AP5Z1: variants seen among roughly 807,000 people sequenced by gnomAD.
AP5Z1 encodes AP-5 complex subunit zeta-1.
A neutral mutation model predicts 83.0 loss-of-function variants in AP5Z1; 106 were observed. That is an observed-to-expected ratio of 1.28 (90% CI 1.09 to 1.50). The LOEUF is 1.50. Among genes scored for constraint, AP5Z1 ranks in the 40% most tolerant of loss-of-function variants. The pLI is 0.00. For missense variants in AP5Z1, 1,565 were observed against 1,094.2 expected (o/e 1.43, Z -6.07); for synonymous variants, 751 against 514.1 (o/e 1.46, Z -6.23).
At chr7:4,789,744 C>T (rs1449991448) in intron 13 of AP5Z1, 88 bp from the exon 14 acceptor site, 4 of 966,376 alleles carry the variant, frequency 4.1e-6, no homozygotes, top group Non-Finnish European at 6.2e-6. Flanking sequence ...CCCTCACCTG[C>T]CCCCCAGCCC....
chr7:4,786,853 C>A (rs962056282), intron 10 of AP5Z1, among the ~76,000 whole-genome samples: 1 of 152,092 alleles, frequency 6.6e-6, no homozygotes, highest in Non-Finnish European at 1.5e-5. Flanking sequence ...TCACTGCAAC[C>A]CCCGCCTCCT....
chr7:4,793,142 GA>G lies in AP5Z1; in HGVS notation c.*1758del, dbSNP rs1781840131. ...CCGTCCCGCTCATCCAAGGGACAAG[GA>G]GGAGCTCATGGCCACAGGGCCTCGG... On this transcript the variant is annotated 3_prime_UTR_variant, in exon 17 of 17. Transcript: ENST00000649063. The G allele has an allele frequency of 6.6e-6, 1 of 152,372 alleles. No homozygotes were observed. Among genetic ancestry groups the G allele is most frequent in the South Asian group, 2.1e-4 (1 of 4,830 alleles). 9.4% of individuals were successfully genotyped at this position (152,372 alleles called of 1,614,324 possible). A position where few individuals can be genotyped will look rare whatever the true frequency, so the allele number is the denominator to read the frequency against.
chr7:4,790,391 C>T (rs768603254), intron 14 of AP5Z1, 68 bp from the exon 15 acceptor site: 2 of 1,608,996 alleles, frequency 1.2e-6, no homozygotes, highest in South Asian at 1.1e-5. Flanking sequence ...TTCTCCAGGC[C>T]CTTGGCCTGG....
chr7:4,780,518 A>C (rs940769422), intron 1 of AP5Z1, among the ~76,000 whole-genome samples: 1 of 152,080 alleles, frequency 6.6e-6, no homozygotes, highest in East Asian at 1.9e-4. Context: ...TAATCCCAGC[A>C]CTTTGGGAGG....
intron 1 of AP5Z1, among the ~76,000 whole-genome samples, chr7:4,778,858 A>AAAATATAAAATATTATT (rs1183481100): frequency 6.9e-6 from 1 of 144,680 alleles, no homozygotes; most frequent in Non-Finnish European, 1.5e-5. Flanking sequence ...AATGATATAT[A>AAAATATAAAATATTATT]ATATTTTATA....
At chr7:4,782,745 C>A (rs901868962) in intron 3 of AP5Z1, among the ~76,000 whole-genome samples, 1 of 151,822 alleles carries the variant, frequency 6.6e-6, no homozygotes, top group Non-Finnish European at 1.5e-5. Flanking sequence ...GACTCCGGCT[C>A]TTCTTGTTTG....
rs550095480 is a variant in AP5Z1, at chr7:4,783,258, GGGGAGCTGGTCTCTGGCACA to G, written c.367-55_367-36del. The G allele has an allele frequency of 6.3e-4, 945 of 1,505,988 alleles. 12 individuals carry two copies. The African/African-American group carries it at 0.012, about 19-fold the overall frequency. 93.3% of individuals were successfully genotyped at this position (1,505,988 alleles called of 1,614,324 possible). A position where few individuals can be genotyped will look rare whatever the true frequency, so the allele number is the denominator to read the frequency against. ...GAGTGTCACACAGACTTCCGAAATG[GGGGAGCTGGTCTCTGGCACA>G]GGCCAGTACCCCAGCGTTTGCCCTG... On this transcript the variant is annotated intron_variant, in intron 3 of 16. Coordinates refer to ENST00000649063, the MANE Select transcript of AP5Z1 (RefSeq NM_014855.3).
rs750795563 is a variant in AP5Z1 at position 4,785,552 on chromosome 7, G to A, written c.1000G>A (p.Val334Met). The change falls in exon 9 of 17, where the codon GTG (valine) becomes ATG (methionine). Residue 334 changes from valine (V) to methionine (M), a missense_variant. By Grantham distance (21) the Val-to-Met change is conservative. Coordinates refer to ENST00000649063, the MANE Select transcript of AP5Z1 (RefSeq NM_014855.3). The part of the protein sequence containing the change: ...CLVEAVLVLD[V>M]LCRQDPSFLY... ...GGTGGAGGCCGTGCTGGTGCTGGAC[G>A]TGCTGTGCCGGCAGGACCCGTCCTT... 1.3e-5 allele frequency: 21 copies of A among 1,611,978 alleles called. No individual in the cohort carries two copies. Among genetic ancestry groups the A allele is most frequent in the South Asian group, 2.2e-5 (2 of 90,788 alleles).
intron 2 of AP5Z1, 21 bp from the exon 3 acceptor site, chr7:4,781,547 C>T: frequency 6.2e-7 from 1 of 1,600,390 alleles, no homozygotes; most frequent in Non-Finnish European, 8.5e-7. Flanking sequence ...TACCGCCCAC[C>T]ACGGGCATCT....
In AP5Z1 at chr7:4,783,406, C is replaced by T. The variant is rs1364326427; in HGVS notation, c.457C>T (p.Leu153Phe). The part of the protein sequence containing the change: ...RQPEGPSLRH[L>F]LPVMAKVVVL... The stretch of plus-strand genomic sequence containing the variant: ...GCCTGAGGGACCCAGCCTCAGACAC[C>T]TCCTCCCCGTCATGGCCAAGGTCGT... Residue 153 changes from leucine (L) to phenylalanine (F), a missense_variant, in exon 4 of 17, where the codon CTC (leucine) becomes TTC (phenylalanine). Leu to Phe is a conservative substitution (Grantham distance 22, BLOSUM62 0). Transcript: ENST00000649063. The T allele has an allele frequency of 3.1e-6, 5 of 1,613,038 alleles. No individual in the cohort carries two copies. The highest frequency in any genetic ancestry group is 4.2e-6 in the Non-Finnish European group (5 of 1,179,786).
chr7:4,783,035 G>A (rs559370562), intron 3 of AP5Z1, among the ~76,000 whole-genome samples: 1 of 152,348 alleles, frequency 6.6e-6, no homozygotes, highest in East Asian at 1.9e-4. Flanking sequence ...TCTGCGGCCA[G>A]GGCCATGGTG....
In AP5Z1 at chr7:4,791,051, CCA is replaced by C. The variant is rs1389123090; in HGVS notation, c.2154-59_2154-58del. The C allele has an allele frequency of 2.7e-6, 4 of 1,495,704 alleles. No homozygotes were observed. In the Admixed American group the frequency reaches 8.5e-5, roughly 32 times the overall value. The allele number at this position is 1,495,704 out of a possible 1,614,324, so 92.7% of individuals were successfully genotyped here. On this transcript the variant is annotated intron_variant, in intron 16 of 16. Coordinates refer to ENST00000649063, the MANE Select transcript of AP5Z1 (RefSeq NM_014855.3). ...GCTGGGCGCTTCAGGCCTGGCCCCT[CCA>C]CACAGACCCCTGTCCTGGGAGGGGA...
chr7:4,786,364 A>T lies in AP5Z1; in HGVS notation c.1247A>T (p.Asp416Val), dbSNP rs745494659. ...TTTGAATTCATCCAGTTCTGCAGGG[A>T]CAACCTCCACCTGTTCAGCGGGCAC... ...LAFEFIQFCR[D>V]NLHLFSGHLS... Residue 416 changes from aspartate to valine, a missense_variant, in exon 10 of 17, where the codon GAC (aspartate) becomes GTC (valine). Asp to Val is a radical substitution (Grantham distance 152). Transcript: ENST00000649063. The T allele has an allele frequency of 5.0e-6, 8 of 1,613,890 alleles. No homozygotes were observed. The highest frequency in any genetic ancestry group is 6.8e-6 in the Non-Finnish European group (8 of 1,179,840).
At chr7:4,789,985 C>CCA in intron 14 of AP5Z1, 56 bp downstream of exon 14, 1 of 789,968 alleles carries the variant, frequency 1.3e-6, no homozygotes, top group Admixed American at 3.2e-5. Flanking sequence ...CTGGACTCCT[C>CCA]CCCCTCTCCC....
At chr7:4,785,286 G>A (rs373497270) in intron 7 of AP5Z1, 129 bp from the exon 8 acceptor site, 1 of 1,363,064 alleles carries the variant, frequency 7.3e-7, no homozygotes, top group African/African-American at 1.5e-5. Context: ...TCCCACTCAA[G>A]TCCTCCTGGG....
rs1781525606 is a variant in AP5Z1, at chr7:4,785,781, G to GATTGA, written c.1132+100_1132+104dup. On this transcript the variant is annotated intron_variant, in intron 9 of 16. Transcript: ENST00000649063. ...TTCCCTTTTTTTTTTTTTTTTTTTTGATTGAATAGAGACAGGGGTCTTGCT... is the reference window on the plus strand; with the variant it reads ...TTCCCTTTTTTTTTTTTTTTTTTTTGATTGAATTGAATAGAGACAGGGGTCTTGCT... 3.6e-6 allele frequency: 3 copies of GATTGA among 841,322 alleles called. No individual in the cohort carries two copies. The African/African-American group carries it at 1.1e-4, about 31-fold the overall frequency. 52.1% of individuals were successfully genotyped at this position (841,322 alleles called of 1,614,324 possible). A position where few individuals can be genotyped will look rare whatever the true frequency, so the allele number is the denominator to read the frequency against.
At chr7:4,783,087 C>G (rs1385669288) in intron 3 of AP5Z1, among the ~76,000 whole-genome samples, 1 of 152,216 alleles carries the variant, frequency 6.6e-6, no homozygotes, top group African/African-American at 2.4e-5. Context: ...CGTGCCCTCA[C>G]CCAGGCCCCC....
At chr7:4,790,944 C>T (rs1177227155) in intron 16 of AP5Z1, 57 bp downstream of exon 16, 42 of 1,512,194 alleles carry the variant, frequency 2.8e-5, no homozygotes, top group Non-Finnish European at 3.3e-5. Flanking sequence ...GAGGTGGCTT[C>T]TGAGGTCTTC....
At chr7:4,788,099 G>A (rs1781614204) in intron 11 of AP5Z1, 55 bp from the exon 12 acceptor site, 4 of 1,466,992 alleles carry the variant, frequency 2.7e-6, no homozygotes, top group African/African-American at 1.4e-5. Context: ...TGACGGGGGT[G>A]CCCTTGAGTG....
Sources: gnomAD v4.1 joint callset for allele counts (sites outside exome capture counted in the v4.1 genomes callset) on GRCh38, gnomAD v4.1.1 for gene constraint, MANE v1.5 for transcripts, NCBI Gene and HGNC (gene_info 2026-07-23, HGNC 2026-07-21) for gene names.